The following CRYAB variants were observed in gnomAD, a reference collection of about 807,000 sequenced individuals.
The protein encoded by CRYAB is crystallin alpha B.
Under a neutral mutation model 12.7 loss-of-function variants are expected in CRYAB, and 9 were observed. That is an observed-to-expected ratio of 0.71 (90% CI 0.43 to 1.24). CRYAB has a LOEUF of 1.24. CRYAB is among the 50% of genes most tolerant of loss of function. CRYAB has a pLI of 0.00. For synonymous variants in CRYAB, 93 were observed against 86.8 expected, an observed-to-expected ratio of 1.07 and a Z score of -0.40; for missense variants, 183 against 226.6, an observed-to-expected ratio of 0.81 and a Z score of 1.24.
At chr11:111,913,819 A>G (rs782617445), upstream of CRYAB, 6 of 1,614,022 alleles carry the variant, frequency 3.7e-6, no homozygotes, top group Non-Finnish European at 4.2e-6. Context: ...ACAGAGGTCA[A>G]TGAGGTCTAC....
upstream of CRYAB, among the ~76,000 whole-genome samples, chr11:111,914,244 G>A (rs782740061): frequency 7.2e-5 from 11 of 152,146 alleles, no homozygotes; most frequent in African/African-American, 4.8e-5. Flanking sequence ...GATCACACCC[G>A]GAAGCTGACT....
At chr11:111,919,030 G>T (rs1965643667) in intron 1 of CRYAB, 3 of 1,613,926 alleles carry the variant, frequency 1.9e-6, no homozygotes, top group East Asian at 4.5e-5. Flanking sequence ...GGGCAAAGGG[G>T]AACATCTATC....
upstream of CRYAB, chr11:111,913,218 C>T: frequency 1.7e-6 from 1 of 605,776 alleles, no homozygotes; most frequent in South Asian, 2.0e-5. Flanking sequence ...CCTCCTCCCC[C>T]TCCTCCTCCT....
chr11:111,916,005 G>A (rs1238622180), upstream of CRYAB, among the ~76,000 whole-genome samples: 1 of 151,950 alleles, frequency 6.6e-6, no homozygotes, highest in Non-Finnish European at 1.5e-5. Flanking sequence ...GTCTGCCACA[G>A]TACTGGGATT....
At chr11:111,910,483 GA>G (rs782411891) in intron 1 of CRYAB, 34 bp from the exon 2 acceptor site, 2 of 1,613,738 alleles carry the variant, frequency 1.2e-6, no homozygotes, top group Non-Finnish European at 1.7e-6. Flanking sequence ...TGGGATGGGA[GA>G]AAGAGGGCAA....
At chr11:111,919,610 G>C (rs1965656321) in intron 1 of CRYAB, among the ~76,000 whole-genome samples, 2 of 152,178 alleles carry the variant, frequency 1.3e-5, no homozygotes, top group South Asian at 4.1e-4. Flanking sequence ...TCCTGGATGA[G>C]AGTAATAATT....
rs781875086 is a variant in CRYAB, at chr11:111,911,766, C to T, written c.-42G>A. 86 of 1,355,278 alleles carry T rather than the reference C, an allele frequency of 6.3e-5. No individual in the cohort carries two copies. The highest frequency in any genetic ancestry group is 1.8e-4 in the Admixed American group (9 of 50,924). The allele number at this position is 1,355,278 out of a possible 1,614,324, so 84.0% of individuals were successfully genotyped here. A position where few individuals can be genotyped will look rare whatever the true frequency, so the allele number is the denominator to read the frequency against. On this transcript the variant is annotated 5_prime_UTR_variant, in exon 1 of 3. Coordinates refer to ENST00000650687, the MANE Select transcript of CRYAB (RefSeq NM_001289808.2). ...TGAGGGGTCAGCTGGCTGGTCAGCT[C>T]CTTCAGCTGCAGCTACAGCCAGCCC...
At chr11:111,913,952 AGCTGC>A, upstream of CRYAB, 1 of 1,436,898 alleles carries the variant, frequency 7.0e-7, no homozygotes, top group South Asian at 1.3e-5. Flanking sequence ...TGATATGGGC[AGCTGC>A]CCACCACTCC....
intron 1 of CRYAB, chr11:111,918,632 T>C (rs1555166250): frequency 6.0e-6 from 4 of 672,266 alleles, no homozygotes; most frequent in Non-Finnish European, 1.1e-5. Flanking sequence ...AGTGATGTAA[T>C]GGAGAAGCAT....
At chr11:111,923,283 C>G (rs1205883458) in intron 1 of CRYAB, among the ~76,000 whole-genome samples, 1 of 152,216 alleles carries the variant, frequency 6.6e-6, no homozygotes, top group Non-Finnish European at 1.5e-5. Flanking sequence ...GACTCAACTG[C>G]TGTCAACTGA....
At chr11:111,913,279 C>G (rs1281485678), upstream of CRYAB, 3 of 666,832 alleles carry the variant, frequency 4.5e-6, no homozygotes, top group Non-Finnish European at 5.3e-6. Flanking sequence ...CTCTTCCGAG[C>G]TGCCTTCTCC....
chr11:111,910,650 T>TCAGA, intron 1 of CRYAB: 1 of 667,960 alleles, frequency 1.5e-6, no homozygotes, highest in Non-Finnish European at 2.6e-6. Context: ...CTCATGGTGA[T>TCAGA]CAGACCCAAA....
intron 2 of CRYAB, chr11:111,909,970 C>A: frequency 1.7e-6 from 1 of 594,568 alleles, no homozygotes; most frequent in Non-Finnish European, 3.0e-6. Flanking sequence ...GTAGTGCTCG[C>A]TTCGGCAGCA....
chr11:111,913,060 A>G, upstream of CRYAB: 1 of 643,196 alleles, frequency 1.6e-6, no homozygotes. Context: ...ACCCCAGACT[A>G]CCCCTCATCC....
At chr11:111,909,383 A>T (rs1389986417) in intron 2 of CRYAB, 5 of 272,394 alleles carry the variant, frequency 1.8e-5, no homozygotes, top group Non-Finnish European at 2.2e-5. Flanking sequence ...CTGAAATTAA[A>T]AAAAAAAAAA....
chr11:111,913,604 C>G (rs141344478), upstream of CRYAB: 4 of 1,614,198 alleles, frequency 2.5e-6, no homozygotes, highest in African/African-American at 1.3e-5. Context: ...TTACCCCAGA[C>G]GAGGTGACTG....
intron 1 of CRYAB, among the ~76,000 whole-genome samples, chr11:111,921,570 A>C (rs1965699477): frequency 6.6e-6 from 1 of 152,232 alleles, no homozygotes; most frequent in South Asian, 2.1e-4. Context: ...CACCCTTTAA[A>C]CTCTGAGGTG....
At chr11:111,922,805 T>C (rs1392931338) in intron 1 of CRYAB, among the ~76,000 whole-genome samples, 2 of 152,270 alleles carry the variant, frequency 1.3e-5, no homozygotes, top group Non-Finnish European at 2.9e-5. Context: ...ATGGAATTGC[T>C]ACATCAGAGG....
upstream of CRYAB, among the ~76,000 whole-genome samples, chr11:111,915,245 C>CT (rs1965580077): frequency 6.6e-6 from 1 of 152,234 alleles, no homozygotes; most frequent in Non-Finnish European, 1.5e-5. Flanking sequence ...GACCCATTCA[C>CT]ATACCCCCCT....
Sources: gnomAD v4.1 joint callset for allele counts (sites outside exome capture counted in the v4.1 genomes callset) on GRCh38, gnomAD v4.1.1 for gene constraint, MANE v1.5 for transcripts, NCBI Gene and HGNC (gene_info 2026-07-23, HGNC 2026-07-21) for gene names.